AIG1: variants seen among roughly 807,000 people sequenced by gnomAD.
AIG1 encodes androgen induced 1.
In AIG1, 23 loss-of-function variants were observed where a neutral mutation model predicts 31.4. The observed-to-expected ratio is 0.73, with a 90% CI of 0.53 to 1.04. AIG1 has a LOEUF of 1.04. Ranked by LOEUF, AIG1 falls within the 50% of genes least tolerant of loss-of-function variation. The probability of loss-of-function intolerance (pLI) is 0.00; values close to 1 mark genes in which losing one functional copy is unlikely to be tolerated. For synonymous variants in AIG1, 100 were observed against 110.5 expected (o/e 0.90, Z 0.60); for missense variants, 274 against 295.0 (o/e 0.93, Z 0.52).
intron 1 of AIG1, among the ~76,000 whole-genome samples, chr6:143,114,463 T>C (rs553092923): frequency 1.3e-5 from 2 of 152,198 alleles, no homozygotes; most frequent in African/African-American, 2.4e-5. Flanking sequence ...CACTTTAAAA[T>C]AGATGGGAAA....
At chr6:143,205,872 G>C (rs1313348545) in intron 3 of AIG1, among the ~76,000 whole-genome samples, 1 of 152,222 alleles carries the variant, frequency 6.6e-6, no homozygotes, top group Non-Finnish European at 1.5e-5. Context: ...TATCAACCGT[G>C]AGAATTTATG....
chr6:143,290,194 T>C (rs1797956323), intron 4 of AIG1, among the ~76,000 whole-genome samples: 1 of 152,238 alleles, frequency 6.6e-6, no homozygotes, highest in Non-Finnish European at 1.5e-5. Flanking sequence ...AGAGTGAGAC[T>C]GAAGCAAGTT....
At chr6:143,211,907 AT>A in intron 3 of AIG1, among the ~76,000 whole-genome samples, 1 of 151,972 alleles carries the variant, frequency 6.6e-6, no homozygotes, top group East Asian at 1.9e-4. Context: ...AAAAAAAAAA[AT>A]TCCAACGTAA....
intron 4 of AIG1, among the ~76,000 whole-genome samples, chr6:143,316,738 G>T (rs1190225597): frequency 1.3e-5 from 2 of 151,888 alleles, no homozygotes; most frequent in African/African-American, 4.8e-5. Flanking sequence ...TGAAAAGATA[G>T]ATAAAATTGA....
chr6:143,113,432 A>G (rs1489177907), intron 1 of AIG1, among the ~76,000 whole-genome samples: 4 of 151,394 alleles, frequency 2.6e-5, no homozygotes, highest in Admixed American at 6.6e-5. Flanking sequence ...GTGAAACCCC[A>G]TCTCTACTAA....
chr6:143,315,035 G>A (rs2128710512), intron 4 of AIG1, among the ~76,000 whole-genome samples: 1 of 152,168 alleles, frequency 6.6e-6, no homozygotes, highest in South Asian at 2.1e-4. Flanking sequence ...ACATTTTCTA[G>A]AATTTTACAT....
chr6:143,321,842 G>T (rs1776243719), intron 4 of AIG1, among the ~76,000 whole-genome samples: 1 of 152,120 alleles, frequency 6.6e-6, no homozygotes, highest in African/African-American at 2.4e-5. Flanking sequence ...GCTTAGTGAG[G>T]GTGTGATACT....
In AIG1 at chr6:143,268,273, C is replaced by T. The variant is rs1796288141; in HGVS notation, c.400-15837C>T. Among the ~76,000 whole-genome samples the T allele has an allele frequency of 1.3e-5, 2 of 152,166 alleles. No homozygotes were observed. Among genetic ancestry groups the T allele is most frequent in the African/African-American group, 4.8e-5 (2 of 41,418 alleles). The stretch of plus-strand genomic sequence containing the variant: ...GCATGTTTCTTCCTCCAGCCCCCTT[C>T]CCCGTTGCTCTGCCTCATGAGGGAA... On this transcript the variant is annotated intron_variant, in intron 3 of 5. Transcript: ENST00000357847. This position sits in a 1 kb window ranked among gnomAD's most constrained non-coding sequence, Gnocchi z 5.0.
intron 2 of AIG1, among the ~76,000 whole-genome samples, chr6:143,150,142 C>T (rs1785080869): frequency 6.6e-6 from 1 of 152,086 alleles, no homozygotes; most frequent in African/African-American, 2.4e-5. Flanking sequence ...TAATTGATTC[C>T]TCCACCCATT....
At chr6:143,162,492 C>T (rs1786473963) in intron 2 of AIG1, among the ~76,000 whole-genome samples, 2 of 152,156 alleles carry the variant, frequency 1.3e-5, no homozygotes, top group South Asian at 4.1e-4. Context: ...AGCAGAATTC[C>T]AACATGATGC....
At chr6:143,302,764 G>A (rs1400741672) in intron 4 of AIG1, among the ~76,000 whole-genome samples, 1 of 152,148 alleles carries the variant, frequency 6.6e-6, no homozygotes, top group African/African-American at 2.4e-5. Context: ...TGGGTCAAAT[G>A]GCATTTCTAG....
At chr6:143,098,236 A>G (rs1779963386) in intron 1 of AIG1, among the ~76,000 whole-genome samples, 11 of 152,194 alleles carry the variant, frequency 7.2e-5, no homozygotes, top group Admixed American at 7.2e-4. Context: ...AGTCTAATCA[A>G]GGTCATCAGT....
At chr6:143,179,979 G>T (rs1330494231) in intron 3 of AIG1, among the ~76,000 whole-genome samples, 1 of 152,226 alleles carries the variant, frequency 6.6e-6, no homozygotes, top group East Asian at 1.9e-4. Context: ...GTGATTGAAA[G>T]AATGTTTATG....
chr6:143,161,570 C>CATAT lies in AIG1; in HGVS notation c.298-3498_298-3495dup, dbSNP rs149355304. ...GTATATATATGTGTGTGTGTGTGTA[C>CATAT]ATATATATATATATATAAATTATCA... On this transcript the variant is annotated intron_variant, in intron 2 of 5. Transcript: ENST00000357847. 1.6e-4 allele frequency among the ~76,000 whole-genome samples: 24 copies of CATAT among 146,080 alleles called. 1 individual carries two copies. The highest frequency in any genetic ancestry group is 4.3e-4 in the South Asian group (2 of 4,616).
intron 3 of AIG1, chr6:143,188,390 G>T (rs915637634): frequency 2.0e-6 from 2 of 985,332 alleles, no homozygotes; most frequent in East Asian, 1.1e-4. Flanking sequence ...TCTCATGCTG[G>T]TGAAGTTGGC....
intron 3 of AIG1, among the ~76,000 whole-genome samples, chr6:143,224,362 A>G (rs1703611398): frequency 6.6e-6 from 1 of 152,186 alleles, no homozygotes; most frequent in Non-Finnish European, 1.5e-5. Context: ...CAGGAATAGT[A>G]GGAGGTTCTG....
chr6:143,108,978 G>A (rs778700344), intron 1 of AIG1, among the ~76,000 whole-genome samples: 1 of 152,068 alleles, frequency 6.6e-6, no homozygotes, highest in Non-Finnish European at 1.5e-5. Flanking sequence ...TATCCCTTCC[G>A]TGTCATTAGC....
intron 1 of AIG1, among the ~76,000 whole-genome samples, chr6:143,115,955 G>A (rs1781696225): frequency 6.6e-6 from 1 of 152,200 alleles, no homozygotes; most frequent in Admixed American, 6.5e-5. Context: ...ATAGTTTTAT[G>A]ACTTGACTTA....
At position 143,195,397 on chromosome 6, in the gene AIG1, A is replaced by T. The variant is rs76588088; in HGVS notation, c.399+30214A>T. ...AAGGCTAAGTTGTGTGAGTACAATG[A>T]TTAGTTTACACACTGGAGAAATGGG... On this transcript the variant is annotated intron_variant, in intron 3 of 5. Coordinates refer to ENST00000357847, the MANE Select transcript of AIG1 (RefSeq NM_016108.4). 8.4e-3 allele frequency among the ~76,000 whole-genome samples: 1,276 copies of T among 152,348 alleles called. 24 individuals carry two copies. The highest frequency in any genetic ancestry group is 0.029 in the African/African-American group (1,210 of 41,574).
Sources: gnomAD v4.1 joint callset for allele counts (sites outside exome capture counted in the v4.1 genomes callset) on GRCh38, gnomAD v4.1.1 for gene constraint, Gnocchi (gnomAD v3.1) non-coding constraint, MANE v1.5 for transcripts, NCBI Gene and HGNC (gene_info 2026-07-23, HGNC 2026-07-21) for gene names.